The following ALDH5A1 variants were observed in gnomAD, a reference collection of about 807,000 sequenced individuals.
ALDH5A1 encodes succinate-semialdehyde dehydrogenase, mitochondrial.
Under a neutral mutation model 54.7 loss-of-function variants are expected in ALDH5A1, and 33 were observed. The ratio of observed to expected loss-of-function variants is 0.60; its 90% confidence interval spans 0.46 to 0.81. ALDH5A1 has a LOEUF of 0.81. Ranked by LOEUF, ALDH5A1 falls within the 30% of genes least tolerant of loss-of-function variation. The pLI is 0.00. For synonymous variants in ALDH5A1, 294 were observed against 292.7 expected, an observed-to-expected ratio of 1.00 and a Z score of -0.05; for missense variants, 657 against 711.0, an observed-to-expected ratio of 0.92 and a Z score of 0.86.
Position 24,515,150 on chromosome 6 carries a change from G to A in ALDH5A1, c.727-17G>A. ...TTTGGTAAATTGTTGGCACATGTTT[G>A]CTGTTTCTCTTTATAGCTTGCAAGC... On this transcript the variant is annotated splice_polypyrimidine_tract_variant and intron_variant, in intron 4 of 9. Coordinates refer to ENST00000357578, the MANE Select transcript of ALDH5A1 (RefSeq NM_001080.3). The A allele has an allele frequency of 1.1e-6, 1 of 945,618 alleles. No homozygotes were observed. The highest frequency in any genetic ancestry group is 2.4e-4 in the Middle Eastern group (1 of 4,104). The allele number at this position is 945,618 out of a possible 1,614,324, so 58.6% of individuals were successfully genotyped here.
At chr6:24,522,165 C>T (rs933951041) in intron 6 of ALDH5A1, among the ~76,000 whole-genome samples, 5 of 152,118 alleles carry the variant, frequency 3.3e-5, no homozygotes, top group Non-Finnish European at 1.5e-5. Flanking sequence ...TAAAAATTAG[C>T]TGGGCATGGT....
chr6:24,523,019 T>G, intron 7 of ALDH5A1, 94 bp downstream of exon 7: 1 of 693,692 alleles, frequency 1.4e-6, no homozygotes. Context: ...GGGGTGGGGA[T>G]AGAGAGGGGT....
intron 7 of ALDH5A1, among the ~76,000 whole-genome samples, chr6:24,525,214 G>A (rs1424782618): frequency 1.3e-5 from 2 of 152,136 alleles, no homozygotes; most frequent in Non-Finnish European, 2.9e-5. Context: ...GGGAGGAAGG[G>A]GGTATTTTTG....
intron 4 of ALDH5A1, among the ~76,000 whole-genome samples, chr6:24,514,692 T>C (rs1759526819): frequency 1.3e-5 from 2 of 151,498 alleles, no homozygotes; most frequent in African/African-American, 4.9e-5. Context: ...ATTATGCCAA[T>C]GCACTCCAGC....
intron 3 of ALDH5A1, 44 bp from the exon 4 acceptor site, chr6:24,504,825 G>A (rs1198599972): frequency 6.4e-7 from 1 of 1,561,438 alleles, no homozygotes; most frequent in Admixed American, 1.7e-5. Flanking sequence ...CACTAAGGAG[G>A]TGGTCCTTCC....
intron 9 of ALDH5A1, 56 bp from the exon 10 acceptor site, chr6:24,533,451 A>G: frequency 1.3e-6 from 2 of 1,573,114 alleles, no homozygotes; most frequent in Non-Finnish European, 1.7e-6. Context: ...ATCTTTAGGC[A>G]TGATGTCTTT....
At chr6:24,532,412 G>T (rs576336924) in intron 9 of ALDH5A1, among the ~76,000 whole-genome samples, 2 of 152,272 alleles carry the variant, frequency 1.3e-5, no homozygotes, top group East Asian at 3.9e-4. Flanking sequence ...AAGAAGAGAA[G>T]GTGCACATTA....
At chr6:24,523,004 C>T in intron 7 of ALDH5A1, 79 bp downstream of exon 7, 3 of 623,514 alleles carry the variant, frequency 4.8e-6, no homozygotes, top group Non-Finnish European at 5.1e-6. Context: ...AACACTTTGG[C>T]TGGAGGGGTG....
chr6:24,532,256 C>A (rs1230228303), intron 9 of ALDH5A1, 79 bp downstream of exon 9: 7 of 1,456,524 alleles, frequency 4.8e-6, no homozygotes, highest in Non-Finnish European at 6.7e-6. Flanking sequence ...TTAAACATCA[C>A]CCTGGGTTTT....
chr6:24,505,676 A>C (rs1482278994), intron 4 of ALDH5A1, among the ~76,000 whole-genome samples: 1 of 152,020 alleles, frequency 6.6e-6, no homozygotes, highest in Non-Finnish European at 1.5e-5. Flanking sequence ...CCTGTCTAAA[A>C]ATCACAATTT....
intron 4 of ALDH5A1, among the ~76,000 whole-genome samples, chr6:24,506,371 G>A (rs1038855507): frequency 3.5e-5 from 5 of 143,840 alleles, no homozygotes; most frequent in African/African-American, 1.3e-4. Context: ...TTCTGCCTCA[G>A]CCTCCCGAGT....
At position 24,536,500 on chromosome 6, in the gene ALDH5A1, C is replaced by T. The variant is rs1174814411; in HGVS notation, c.*2788C>T. ...AAAGCCTAAAAGATTTACTACTTGT[C>T]TCCTTAAAGAAAAAGTTTGCCAGCT... On this transcript the variant is annotated 3_prime_UTR_variant, in exon 10 of 10. Transcript: ENST00000357578. 2 of 152,170 alleles carry T rather than the reference C, an allele frequency of 1.3e-5. No homozygotes were observed. Among genetic ancestry groups the T allele is most frequent in the Non-Finnish European group, 2.9e-5 (2 of 68,026 alleles). 9.4% of individuals were successfully genotyped at this position (152,170 alleles called of 1,614,324 possible). A position where few individuals can be genotyped will look rare whatever the true frequency, so the allele number is the denominator to read the frequency against.
chr6:24,508,180 T>A (rs556165303), intron 4 of ALDH5A1, among the ~76,000 whole-genome samples: 1 of 151,580 alleles, frequency 6.6e-6, no homozygotes, highest in African/African-American at 2.4e-5. Flanking sequence ...CTGGCCAACA[T>A]AGTGAAACCC....
At chr6:24,523,985 GT>G (rs36023125) in intron 7 of ALDH5A1, among the ~76,000 whole-genome samples, 58,762 of 112,714 alleles carry the variant, frequency 0.52, 12,296 homozygotes, top group Non-Finnish European at 0.56. Context: ...AGTTTTTTGT[GT>G]TTTTTTTTTT....
chr6:24,499,855 T>C (rs1324428205), intron 1 of ALDH5A1, among the ~76,000 whole-genome samples: 1 of 152,108 alleles, frequency 6.6e-6, no homozygotes, highest in East Asian at 1.9e-4. Flanking sequence ...GAGACGGGGT[T>C]TCACCGTGTT....
At chr6:24,530,260 A>G (rs141721232) in intron 8 of ALDH5A1, among the ~76,000 whole-genome samples, 2 of 151,890 alleles carry the variant, frequency 1.3e-5, no homozygotes, top group African/African-American at 4.8e-5. Flanking sequence ...TATCTCAACA[A>G]TTGTTTTTCC....
At chr6:24,504,091 T>G (rs536856476) in intron 3 of ALDH5A1, among the ~76,000 whole-genome samples, 2 of 152,296 alleles carry the variant, frequency 1.3e-5, no homozygotes, top group Admixed American at 6.5e-5. Flanking sequence ...TCCCCCTGAT[T>G]GCCTAGACTG....
At chr6:24,504,432 C>T (rs1353767697) in intron 3 of ALDH5A1, among the ~76,000 whole-genome samples, 3 of 152,222 alleles carry the variant, frequency 2.0e-5, no homozygotes, top group Non-Finnish European at 4.4e-5. Context: ...GGGCCTCAGG[C>T]CAAATCCAGC....
At chr6:24,501,163 C>T (rs576264370) in intron 1 of ALDH5A1, among the ~76,000 whole-genome samples, 1 of 152,288 alleles carries the variant, frequency 6.6e-6, no homozygotes, top group Admixed American at 6.5e-5. Context: ...ATGATGTTAA[C>T]TTGGTAGTCT....
Sources: gnomAD v4.1 joint callset for allele counts (sites outside exome capture counted in the v4.1 genomes callset) on GRCh38, gnomAD v4.1.1 for gene constraint, MANE v1.5 for transcripts, NCBI Gene and HGNC (gene_info 2026-07-23, HGNC 2026-07-21) for gene names.